Variants in COL24A1 observed in about 807,000 individuals in gnomAD.
COL24A1 encodes the protein collagen alpha-1(XXIV) chain.
A neutral mutation model predicts 253.9 loss-of-function variants in COL24A1; 224 were observed. That is an observed-to-expected ratio of 0.88 (90% CI 0.79 to 0.99). The LOEUF is 0.99. COL24A1 is among the 50% of genes least tolerant of loss of function. The probability of loss-of-function intolerance (pLI) is 0.00; values close to 1 mark genes in which losing one functional copy is unlikely to be tolerated. For missense variants in COL24A1, 2,131 were observed against 2,068.5 expected (o/e 1.03, Z -0.59); for synonymous variants, 685 against 673.7 (o/e 1.02, Z -0.26).
chr1:86,071,515 C>A (rs1414273854), intron 7 of COL24A1, among the ~76,000 whole-genome samples: 2 of 152,008 alleles, frequency 1.3e-5, no homozygotes, highest in African/African-American at 4.8e-5. Context: ...ACACACTTCA[C>A]CTATATACAC....
chr1:86,098,307 G>A (rs1374581348), intron 5 of COL24A1, among the ~76,000 whole-genome samples: 3 of 151,788 alleles, frequency 2.0e-5, no homozygotes, highest in East Asian at 3.9e-4. Context: ...AGGAAAGACA[G>A]AGAAGCAAGA....
chr1:85,923,375 C>T (rs1327242466), intron 24 of COL24A1, among the ~76,000 whole-genome samples: 2 of 152,188 alleles, frequency 1.3e-5, no homozygotes, highest in Admixed American at 1.3e-4. Context: ...ACAGCCTTCT[C>T]AGCAACACAT....
rs553437964 is a variant in COL24A1, at chr1:85,862,506, T to G, written c.3300+6013A>C. On this transcript the variant is annotated intron_variant, in intron 37 of 59. Transcript: ENST00000370571. ...ATAGAAAAAATGGGGCCCTGCTAAC[T>G]TAGCATCCCTCCTGACACAATCATC... is the stretch of plus-strand genomic sequence containing the variant. Among the ~76,000 whole-genome samples, 13 of 152,306 alleles carry G rather than the reference T, an allele frequency of 8.5e-5. No homozygotes were observed. The South Asian group carries it at 2.7e-3, about 32-fold the overall frequency.
At chr1:85,909,073 G>T (rs1438411413) in intron 26 of COL24A1, among the ~76,000 whole-genome samples, 3 of 151,650 alleles carry the variant, frequency 2.0e-5, no homozygotes, top group African/African-American at 7.2e-5. Flanking sequence ...CAATGTAAAT[G>T]TGTACAAATA....
In COL24A1 at chr1:85,973,888, C is replaced by T. The variant is rs553108100; in HGVS notation, c.2365-2495G>A. ...TTATATGCCATTTATAAGAAACACA[C>T]CTAAAATATAAAATATGCAAGGCAT... On this transcript the variant is annotated intron_variant, in intron 20 of 59. Transcript: ENST00000370571. Among the ~76,000 whole-genome samples, 12 of 152,084 alleles carry T rather than the reference C, an allele frequency of 7.9e-5. 1 individual carries two copies. In the East Asian group the frequency reaches 2.3e-3, roughly 29 times the overall value.
At position 85,987,640 on chromosome 1, in the gene COL24A1, A is replaced by G. The variant is rs542520862; in HGVS notation, c.2325T>C (p.Asp775=). The G allele has an allele frequency of 1.1e-5, 17 of 1,610,318 alleles. 1 individual carries two copies. Among genetic ancestry groups the G allele is most frequent in the Middle Eastern group, 3.3e-4 (2 of 6,044 alleles). ...GPPGPEGFPG[D]IGIPGQNGPE... ...GGCCGTTTTGTCCAGGAATCCCAATATCTCCTGGAAAACCCTAGGGAATAT... is the reference window on the plus strand; with the variant it reads ...GGCCGTTTTGTCCAGGAATCCCAATGTCTCCTGGAAAACCCTAGGGAATAT... Residue 775 remains aspartate, a synonymous_variant, in exon 20 of 60, where the codon GAT becomes GAC. Transcript: ENST00000370571.
intron 43 of COL24A1, among the ~76,000 whole-genome samples, chr1:85,824,868 A>T (rs313748): frequency 0.85 from 128,873 of 151,716 alleles, 55,044 homozygotes; most frequent in South Asian, 0.9. Context: ...GGCTAGAAGA[A>T]GAGATTGCAT....
intron 28 of COL24A1, among the ~76,000 whole-genome samples, chr1:85,896,754 T>TC (rs1683786862): frequency 6.6e-6 from 1 of 152,192 alleles, no homozygotes; most frequent in African/African-American, 2.4e-5. Context: ...CGCCTCGGCC[T>TC]CCCACAGTGC....
intron 43 of COL24A1, among the ~76,000 whole-genome samples, chr1:85,829,939 C>T (rs1018201201): frequency 5.3e-5 from 8 of 152,124 alleles, no homozygotes; most frequent in Non-Finnish European, 1.0e-4. Context: ...AGTCATTCTC[C>T]TTCCAGCTTT....
At chr1:85,876,125 T>C (rs369986221) in intron 33 of COL24A1, among the ~76,000 whole-genome samples, 12 of 151,978 alleles carry the variant, frequency 7.9e-5, no homozygotes, top group African/African-American at 2.9e-4. Context: ...ACGAATGATA[T>C]AAGAATGATA....
chr1:86,112,813 A>T (rs1705739963), intron 4 of COL24A1, among the ~76,000 whole-genome samples, 193 bp from the exon 5 acceptor site: 2 of 152,054 alleles, frequency 1.3e-5, no homozygotes, highest in Admixed American at 1.3e-4. Context: ...TCAGATCTCA[A>T]CTCATTTTTA....
At chr1:85,988,373 A>C (rs1693925653) in intron 19 of COL24A1, among the ~76,000 whole-genome samples, 3 of 152,082 alleles carry the variant, frequency 2.0e-5, no homozygotes, top group Non-Finnish European at 4.4e-5. Context: ...TTGGCTCAAG[A>C]AATGAAAAAG....
rs1324874602 is a variant in COL24A1, at chr1:86,108,376, T to C, written c.1599+4191A>G. Among the ~76,000 whole-genome samples the C allele has an allele frequency of 2.0e-5, 3 of 152,028 alleles. No individual in the cohort carries two copies. In the East Asian group the frequency reaches 5.8e-4, roughly 29 times the overall value. On this transcript the variant is annotated intron_variant, in intron 5 of 59. Transcript: ENST00000370571. ...CAATATTTATACACATTTTAAGAAG[T>C]CAATGAAATACAATACTTTCCACCA...
At chr1:86,133,176 G>C (rs1572034880) in intron 2 of COL24A1, among the ~76,000 whole-genome samples, 1 of 152,256 alleles carries the variant, frequency 6.6e-6, no homozygotes, top group East Asian at 1.9e-4. Context: ...GTATAAGAAT[G>C]CTTGTGATTT....
intron 7 of COL24A1, among the ~76,000 whole-genome samples, chr1:86,078,808 C>T (rs112808841): frequency 2.9e-3 from 442 of 152,126 alleles, no homozygotes; most frequent in Non-Finnish European, 5.0e-3. Flanking sequence ...TTGAAGAGGA[C>T]ACCAAAAAAT....
chr1:85,900,542 G>A (rs1335251388), intron 28 of COL24A1, among the ~76,000 whole-genome samples: 4 of 152,168 alleles, frequency 2.6e-5, no homozygotes, highest in African/African-American at 4.8e-5. Flanking sequence ...GGGAGGTTGA[G>A]GCAGTGGGAT....
chr1:86,097,486 CCTCCCTCCTCCT>C (rs1704016110), intron 5 of COL24A1, among the ~76,000 whole-genome samples: 1 of 46,286 alleles, frequency 2.2e-5, no homozygotes, highest in African/African-American at 8.0e-5. Context: ...CCCTCCTCCT[CCTCCCTCCTCCT>C]CCCTTCTCCT....
intron 43 of COL24A1, among the ~76,000 whole-genome samples, chr1:85,831,631 A>G (rs12091091): frequency 1.6e-4 from 24 of 152,246 alleles, no homozygotes; most frequent in African/African-American, 5.8e-4. Context: ...GTCAGATAAT[A>G]TTAGTGGTGG....
intron 1 of COL24A1, among the ~76,000 whole-genome samples, chr1:86,152,861 T>A (rs1350802133): frequency 6.6e-6 from 1 of 152,198 alleles, no homozygotes; most frequent in Non-Finnish European, 1.5e-5. Flanking sequence ...CAGGTGGTCT[T>A]GAGTTTCAAC....
Sources: gnomAD v4.1 joint callset for allele counts (sites outside exome capture counted in the v4.1 genomes callset) on GRCh38, gnomAD v4.1.1 for gene constraint, MANE v1.5 for transcripts, NCBI Gene and HGNC (gene_info 2026-07-23, HGNC 2026-07-21) for gene names.